Variants in FYB2 observed in about 807,000 individuals in gnomAD.
FYB2 encodes the protein FYN binding protein 2.
In FYB2, 103 loss-of-function variants were observed where a neutral mutation model predicts 94.1. That is an observed-to-expected ratio of 1.09 (90% confidence interval 0.93 to 1.29). FYB2 has a LOEUF of 1.29. FYB2 is among the 50% of genes most tolerant of loss of function. The pLI, the probability that FYB2 is intolerant of heterozygous loss-of-function variation, is 0.00. For synonymous variants in FYB2, 293 were observed against 287.9 expected (o/e 1.02, Z -0.18); for missense variants, 896 against 841.5 (o/e 1.06, Z -0.80).
intron 9 of FYB2, among the ~76,000 whole-genome samples, chr1:56,746,742 A>G (rs1410270301): frequency 6.6e-6 from 1 of 151,994 alleles, no homozygotes; most frequent in Non-Finnish European, 1.5e-5. Flanking sequence ...TATTACAAAA[A>G]GTTTTGCTAT....
chr1:56,756,752 A>G (rs1645342316), intron 6 of FYB2, among the ~76,000 whole-genome samples: 1 of 152,176 alleles, frequency 6.6e-6, no homozygotes, highest in South Asian at 2.1e-4. Flanking sequence ...GGGAGCAGTG[A>G]TATCAGCTCA....
intron 19 of FYB2, 132 bp downstream of exon 19, chr1:56,719,890 A>G: frequency 9.5e-7 from 1 of 1,055,982 alleles, no homozygotes; most frequent in East Asian, 2.6e-5. Context: ...TCCTTATAGA[A>G]TAGGGCACTG....
chr1:56,806,696 C>G (rs1646655495), intron 1 of FYB2, among the ~76,000 whole-genome samples: 1 of 152,148 alleles, frequency 6.6e-6, no homozygotes, highest in East Asian at 1.9e-4. Flanking sequence ...AGGGAGATAA[C>G]TATTCATTGC....
chr1:56,811,460 A>G (rs1309005470), intron 1 of FYB2, among the ~76,000 whole-genome samples: 1 of 152,150 alleles, frequency 6.6e-6, no homozygotes, highest in African/African-American at 2.4e-5. Flanking sequence ...AAACCAGCCC[A>G]TGGCGACCCA....
chr1:56,771,925 T>C (rs781069690), intron 4 of FYB2, among the ~76,000 whole-genome samples: 29 of 152,056 alleles, frequency 1.9e-4, no homozygotes, highest in Admixed American at 9.8e-4. Context: ...TTTTTTTGCA[T>C]AGTTGCATAT....
intron 4 of FYB2, among the ~76,000 whole-genome samples, chr1:56,781,383 T>C (rs946843295): frequency 6.6e-6 from 1 of 152,202 alleles, no homozygotes; most frequent in Non-Finnish European, 1.5e-5. Flanking sequence ...CAGCAATTGC[T>C]GTTTTCCTTC....
intron 4 of FYB2, among the ~76,000 whole-genome samples, chr1:56,785,054 G>C (rs1376483366): frequency 6.6e-6 from 1 of 152,156 alleles, no homozygotes; most frequent in Non-Finnish European, 1.5e-5. Context: ...ATTTCAGACG[G>C]AGGTTAGCTT....
chr1:56,800,424 G>A (rs1208878710), intron 1 of FYB2, among the ~76,000 whole-genome samples: 1 of 151,944 alleles, frequency 6.6e-6, no homozygotes, highest in Non-Finnish European at 1.5e-5. Flanking sequence ...TGTTAGTTAA[G>A]GTTAAAGCTT....
chr1:56,802,725 A>G (rs1646550179), intron 1 of FYB2, among the ~76,000 whole-genome samples: 1 of 152,180 alleles, frequency 6.6e-6, no homozygotes, highest in Admixed American at 6.6e-5. Context: ...CAAGGCAATA[A>G]GAGAGGAGGA....
At position 56,788,969 on chromosome 1, in the gene FYB2, T is replaced by C. The variant is rs1190168684; in HGVS notation, c.919+4A>G. ...CTTGTGTAGGGCCCTGTGCATTTCC[T>C]TACCTTCCCCCTGAGTCTTGGGAAC... is the stretch of plus-strand genomic sequence containing the variant. On this transcript the variant is annotated splice_donor_region_variant and intron_variant, in intron 3 of 19. Transcript: ENST00000343433. 1.2e-6 allele frequency: 2 copies of C among 1,613,874 alleles called. No individual in the cohort carries two copies. The highest frequency in any genetic ancestry group is 1.7e-6 in the Non-Finnish European group (2 of 1,179,930).
Position 56,789,150 on chromosome 1 carries a change from T to C in FYB2, c.758-16A>G. 6.5e-7 allele frequency: 1 copy of C among 1,538,944 alleles called. No individual in the cohort carries two copies. The highest frequency in any genetic ancestry group is 8.7e-7 in the Non-Finnish European group (1 of 1,147,264). Reference sequence around the variant, plus strand: ...GGCTGTTTTTCTGAACACAAGACAGTAAAAAATGTAAGTTATGATTATTTT... The same window carrying C: ...GGCTGTTTTTCTGAACACAAGACAGCAAAAAATGTAAGTTATGATTATTTT... On this transcript the variant is annotated splice_polypyrimidine_tract_variant and intron_variant, in intron 2 of 19. Coordinates refer to ENST00000343433, the MANE Select transcript of FYB2 (RefSeq NM_001004303.5).
chr1:56,821,212 G>A (rs757511587), upstream of FYB2, among the ~76,000 whole-genome samples: 1 of 152,192 alleles, frequency 6.6e-6, no homozygotes, highest in Non-Finnish European at 1.5e-5. Context: ...CCTAGTGCAA[G>A]GGCTCCCCCT....
In FYB2 at chr1:56,757,673, T is replaced by TC. The variant is rs1557616779; in HGVS notation, c.1098+1042dup. Among the ~76,000 whole-genome samples, 27 of 82,954 alleles carry TC rather than the reference T, an allele frequency of 3.3e-4. No individual in the cohort carries two copies. In the East Asian group the frequency reaches 4.8e-3, roughly 15 times the overall value. The allele number at this position is 82,954 out of a possible 152,430, so 54.4% of individuals were successfully genotyped here. On this transcript the variant is annotated intron_variant, in intron 6 of 19. Coordinates refer to ENST00000343433, the MANE Select transcript of FYB2 (RefSeq NM_001004303.5). ...TCTTTCTTTCTTTTTCTTTCTTTCC[T>TC]CTTTCCTTCCTTCCTTCTTTCTTTC... is the stretch of plus-strand genomic sequence containing the variant.
At position 56,788,985 on chromosome 1, in the gene FYB2, T is replaced by C. The variant is rs748212497; in HGVS notation, c.907A>G (p.Thr303Ala). 1 of 1,613,952 alleles carries C rather than the reference T, an allele frequency of 6.2e-7. No individual in the cohort carries two copies. The highest frequency in any genetic ancestry group is 1.7e-4 in the Middle Eastern group (1 of 6,060). ...TGCATTTCCTTACCTTCCCCCTGAGTCTTGGGAACAGCAGCTGGCTGCCTC... is the reference window on the plus strand; with the variant it reads ...TGCATTTCCTTACCTTCCCCCTGAGCCTTGGGAACAGCAGCTGGCTGCCTC... ...FQRQPAAVPKTQGEVTVEEGS... is the reference protein window; with the variant it reads ...FQRQPAAVPKAQGEVTVEEGS... Residue 303 changes from threonine (T) to alanine (A), a missense_variant, in exon 3 of 20, where the codon ACT becomes GCT. Coordinates refer to ENST00000343433, the MANE Select transcript of FYB2 (RefSeq NM_001004303.5).
chr1:56,728,282 G>A (rs895780064), intron 15 of FYB2, among the ~76,000 whole-genome samples: 3 of 151,934 alleles, frequency 2.0e-5, no homozygotes, highest in African/African-American at 7.2e-5. Flanking sequence ...GTTTCAGCTT[G>A]GCACAAAGAT....
intron 19 of FYB2, 95 bp from the exon 20 acceptor site, chr1:56,719,787 ATGTT>A (rs1644450929): frequency 8.3e-7 from 1 of 1,210,642 alleles, no homozygotes; most frequent in Middle Eastern, 2.4e-4. Flanking sequence ...CTAGTTTAAT[ATGTT>A]TGTGTTCTTT....
At chr1:56,810,062 G>A (rs922246426) in intron 1 of FYB2, among the ~76,000 whole-genome samples, 14 of 152,136 alleles carry the variant, frequency 9.2e-5, no homozygotes, top group African/African-American at 3.4e-4. Context: ...AGAAAGAGGA[G>A]GGGGAAGAGG....
At chr1:56,773,446 GATTC>G (rs1266827149) in intron 4 of FYB2, among the ~76,000 whole-genome samples, 5 of 152,174 alleles carry the variant, frequency 3.3e-5, no homozygotes, top group Non-Finnish European at 7.3e-5. Flanking sequence ...ACCGTGCATA[GATTC>G]ATTATATGCA....
intron 4 of FYB2, among the ~76,000 whole-genome samples, chr1:56,775,329 A>G (rs765476191): frequency 4.6e-5 from 7 of 152,152 alleles, no homozygotes; most frequent in South Asian, 2.1e-4. Flanking sequence ...CCACAAAACC[A>G]TGATCACCAA....
Sources: gnomAD v4.1 joint callset for allele counts (sites outside exome capture counted in the v4.1 genomes callset) on GRCh38, gnomAD v4.1.1 for gene constraint, MANE v1.5 for transcripts, NCBI Gene and HGNC (gene_info 2026-07-23, HGNC 2026-07-21) for gene names.